The following CARMIL3 variants were observed in gnomAD, a reference collection of about 807,000 sequenced individuals.
CARMIL3 encodes capping protein regulator and myosin 1 linker 3, also known as capping protein, Arp2/3 and myosin-I linker protein 3.
Under a neutral mutation model 180.8 loss-of-function variants are expected in CARMIL3, and 88 were observed. That is an observed-to-expected ratio of 0.49 (90% confidence interval 0.41 to 0.58). The LOEUF (loss-of-function observed/expected upper bound fraction) is 0.58. Among genes scored for constraint, CARMIL3 ranks in the 20% least tolerant of loss-of-function variants. CARMIL3 has a pLI of 0.00. For missense variants in CARMIL3, 1,548 were observed against 1,787.0 expected, an observed-to-expected ratio of 0.87 and a Z score of 2.41; for synonymous variants, 696 against 714.5, an observed-to-expected ratio of 0.97 and a Z score of 0.41.
rs1372134249 is a variant in CARMIL3 at position 24,062,827 on chromosome 14, A to G, written c.2687A>G (p.Asp896Gly). The change falls in exon 29 of 40, where the codon GAT (aspartate) becomes GGT (glycine). Residue 896 changes from aspartate to glycine, a missense_variant. Coordinates refer to ENST00000342740, the MANE Select transcript of CARMIL3 (RefSeq NM_138360.4). ...RNHDHEETTD[D>G]ELGTNIDTMA... ...CATGACCATGAGGAGACCACAGATG[A>G]TGAACTTGGGACCAACATTGTGAGC... 1 of 1,610,646 alleles carries G rather than the reference A, an allele frequency of 6.2e-7. No individual in the cohort carries two copies. The highest frequency in any genetic ancestry group is 8.5e-7 in the Non-Finnish European group (1 of 1,178,546).
Position 24,069,445 on chromosome 14 carries a change from C to T in CARMIL3, c.*41C>T, listed in dbSNP as rs764186881. On this transcript the variant is annotated 3_prime_UTR_variant, in exon 40 of 40. Coordinates refer to ENST00000342740, the MANE Select transcript of CARMIL3 (RefSeq NM_138360.4). ...CCTCCTCAGCCCTCGACATGTGCCT[C>T]GCAAGGACTCAGACCCCTATCCACC... is the stretch of plus-strand genomic sequence containing the variant. 68 of 1,613,722 alleles carry T rather than the reference C, an allele frequency of 4.2e-5. No individual in the cohort carries two copies. The highest frequency in any genetic ancestry group is 5.4e-5 in the Non-Finnish European group (64 of 1,179,850).
At chr14:24,057,367 A>G (rs573874957) in intron 14 of CARMIL3, 123 bp downstream of exon 14, 272 of 853,418 alleles carry the variant, frequency 3.2e-4, no homozygotes, top group Non-Finnish European at 4.6e-4. Flanking sequence ...CTTCAGGTTC[A>G]GCTGAAGTAT....
Position 24,054,932 on chromosome 14 carries a change from C to T in CARMIL3, c.460+124C>T. ...GCCTGCCTGAAGGACTCCCAGCTCC[C>T]AGACCTCAGGAAGTTCATGGCATAG... is the stretch of plus-strand genomic sequence containing the variant. On this transcript the variant is annotated intron_variant, in intron 6 of 39. Coordinates refer to ENST00000342740, the MANE Select transcript of CARMIL3 (RefSeq NM_138360.4). The surrounding 1 kb of genome is among the most constrained non-coding windows in gnomAD (Gnocchi z 5.1). 7.3e-7 allele frequency: 1 copy of T among 1,378,560 alleles called. No homozygotes were observed. Among genetic ancestry groups the T allele is most frequent in the Middle Eastern group, 2.2e-4 (1 of 4,484 alleles). 85.4% of individuals were successfully genotyped at this position (1,378,560 alleles called of 1,614,324 possible).
rs201448069 is a variant in CARMIL3 at position 24,057,157 on chromosome 14, C to A, written c.1063-10C>A. Reference sequence around the variant, plus strand: ...CCTTCCCCTGCAACCCCTCTTCCTTCCTACTCCAGGCCCTCTACAGTTTCC... The same window carrying A: ...CCTTCCCCTGCAACCCCTCTTCCTTACTACTCCAGGCCCTCTACAGTTTCC... On this transcript the variant is annotated splice_polypyrimidine_tract_variant and intron_variant, in intron 13 of 39. Transcript: ENST00000342740. The A allele has an allele frequency of 3.2e-5, 51 of 1,613,594 alleles. No homozygotes were observed. The highest frequency in any genetic ancestry group is 3.3e-4 in the Middle Eastern group (2 of 6,062).
chr14:24,055,666 T>G (rs1342301235), intron 9 of CARMIL3, 35 bp from the exon 10 acceptor site: 1 of 1,613,400 alleles, frequency 6.2e-7, no homozygotes, highest in Non-Finnish European at 8.5e-7. Flanking sequence ...GTGCCCCCCT[T>G]GGCCCCTGAT....
chr14:24,061,066 C>T lies in CARMIL3; in HGVS notation c.2304+26C>T. The T allele has an allele frequency of 1.3e-6, 2 of 1,540,952 alleles. No individual in the cohort carries two copies. Among genetic ancestry groups the T allele is most frequent in the Non-Finnish European group, 1.8e-6 (2 of 1,137,652 alleles). ...GCAAGTCCTGGAGGAGGGAGGAATC[C>T]ATGGTGGGAACCTAGTGTTGACTGA... is the stretch of plus-strand genomic sequence containing the variant. On this transcript the variant is annotated intron_variant, in intron 26 of 39. Coordinates refer to ENST00000342740, the MANE Select transcript of CARMIL3 (RefSeq NM_138360.4). This position sits in a 1 kb window ranked among gnomAD's most constrained non-coding sequence, Gnocchi z 4.1.
rs151148314 is a variant in CARMIL3, at chr14:24,063,153, C to T, written c.2740C>T (p.Arg914Cys). Residue 914 changes from arginine to cysteine, a missense_variant, in exon 30 of 40, where the codon CGC becomes TGC. Around this residue, in one of 4 missense-constraint regions of CARMIL3, gnomAD observed 668 missense variants for 687.8 expected, o/e 0.97. Coordinates refer to ENST00000342740, the MANE Select transcript of CARMIL3 (RefSeq NM_138360.4). The stretch of plus-strand genomic sequence containing the variant: ...GGCCATCAAAAAGCAGAAACGCTGC[C>T]GCAAGATTCGGCCGGTGTCTGCCTT... ...TMAIKKQKRC[R>C]KIRPVSAFIS... is the part of the protein sequence containing the mutation. 3.2e-5 allele frequency: 52 copies of T among 1,613,406 alleles called. No individual in the cohort carries two copies. The highest frequency in any genetic ancestry group is 2.8e-4 in the African/African-American group (21 of 74,934).
chr14:24,055,743 T>C lies in CARMIL3; in HGVS notation c.724T>C (p.Ser242Pro). 1 of 1,614,004 alleles carries C rather than the reference T, an allele frequency of 6.2e-7. No homozygotes were observed. The highest frequency in any genetic ancestry group is 1.3e-5 in the African/African-American group (1 of 74,974). The change falls in exon 10 of 40, where the codon TCG becomes CCG. Residue 242 changes from serine to proline, a missense_variant. Transcript: ENST00000342740. ...ACAGGTGCTACATACCCTAAGCAAG[T>C]CGGGGAGCCTCGAAGAGCTGGTGCT... is the stretch of plus-strand genomic sequence containing the variant. ...LEQVLHTLSK[S>P]GSLEELVLDN... is the part of the protein sequence containing the mutation.
In CARMIL3 at chr14:24,061,606, T is replaced by C; in HGVS notation, c.2414T>C (p.Val805Ala). 1 of 1,614,022 alleles carries C rather than the reference T, an allele frequency of 6.2e-7. No homozygotes were observed. Among genetic ancestry groups the C allele is most frequent in the Non-Finnish European group, 8.5e-7 (1 of 1,180,020 alleles). Residue 805 changes from valine to alanine, a missense_variant, in exon 27 of 40, where the codon GTG (valine) becomes GCG (alanine). By Grantham distance (64) the Val-to-Ala change is moderately conservative (BLOSUM62 0). Coordinates refer to ENST00000342740, the MANE Select transcript of CARMIL3 (RefSeq NM_138360.4). The surrounding 1 kb of genome is among the most constrained non-coding windows in gnomAD (Gnocchi z 4.1). Reference sequence around the variant, plus strand: ...AGCAATGTGGCGGAGCGTGTCACTGTGCCCCGGAACTTCATCCGAGGGGCA... The same window carrying C: ...AGCAATGTGGCGGAGCGTGTCACTGCGCCCCGGAACTTCATCCGAGGGGCA... ...MLSNVAERVT[V>A]PRNFIRGALL...
At position 24,058,802 on chromosome 14, in the gene CARMIL3, CAG is replaced by C. The variant is rs746083234; in HGVS notation, c.1474+42_1474+43del. On this transcript the variant is annotated intron_variant, in intron 18 of 39. Coordinates refer to ENST00000342740, the MANE Select transcript of CARMIL3 (RefSeq NM_138360.4). The surrounding 1 kb of genome is among the most constrained non-coding windows in gnomAD (Gnocchi z 6.4). ...TCCCTTCCCTGGGGCCAGGGGAGAA[CAG>C]GGGCCTGGAGCATGCAGAAGCAGCC... 2 of 1,612,386 alleles carry C rather than the reference CAG, an allele frequency of 1.2e-6. No individual in the cohort carries two copies. Among genetic ancestry groups the C allele is most frequent in the Admixed American group, 3.3e-5 (2 of 59,992 alleles).
chr14:24,058,052 T>C lies in CARMIL3; in HGVS notation c.1310T>C (p.Leu437Pro), dbSNP rs2035691943. The part of the protein sequence containing the change: ...HVNLSATKLP[L>P]EALRALLQGL... The stretch of plus-strand genomic sequence containing the variant: ...AATCTGTCGGCCACAAAGCTGCCCC[T>C]GGAGGCCCTCAGGTCGGGTGGGTGC... Residue 437 changes from leucine (L) to proline (P), a missense_variant, in exon 16 of 40, where the codon CTG becomes CCG. By Grantham distance (98) the Leu-to-Pro change is moderately conservative. This residue lies in a region of CARMIL3 where 578 missense variants were observed against 666.5 expected (regional missense o/e 0.87). Transcript: ENST00000342740. The surrounding 1 kb of genome is among the most constrained non-coding windows in gnomAD (Gnocchi z 6.4). 1 of 1,613,690 alleles carries C rather than the reference T, an allele frequency of 6.2e-7. No homozygotes were observed. Among genetic ancestry groups the C allele is most frequent in the Non-Finnish European group, 8.5e-7 (1 of 1,180,014 alleles).
chr14:24,054,868 C>A lies in CARMIL3; in HGVS notation c.460+60C>A. The A allele has an allele frequency of 3.2e-6, 5 of 1,543,156 alleles. No individual in the cohort carries two copies. Among genetic ancestry groups the A allele is most frequent in the South Asian group, 2.3e-5 (2 of 87,954 alleles). On this transcript the variant is annotated intron_variant, in intron 6 of 39. Coordinates refer to ENST00000342740, the MANE Select transcript of CARMIL3 (RefSeq NM_138360.4). This position sits in a 1 kb window ranked among gnomAD's most constrained non-coding sequence, Gnocchi z 5.1. ...CCACCATCTTGCCCCATGATCAGAG[C>A]CCTTTGTGCACAGGGTGTTGCCTGG...
Position 24,059,775 on chromosome 14 carries a change from C to T in CARMIL3, c.1868+43C>T, listed in dbSNP as rs1389431480. On this transcript the variant is annotated intron_variant, in intron 22 of 39. Coordinates refer to ENST00000342740, the MANE Select transcript of CARMIL3 (RefSeq NM_138360.4). This position sits in a 1 kb window ranked among gnomAD's most constrained non-coding sequence, Gnocchi z 6.3. The stretch of plus-strand genomic sequence containing the variant: ...CTGCCCTGATCCAAGTCCCCAGCCT[C>T]CCTGTGCCTGGATCAGGCCTGAACT... The T allele has an allele frequency of 3.7e-6, 6 of 1,605,108 alleles. No homozygotes were observed. Among genetic ancestry groups the T allele is most frequent in the Non-Finnish European group, 5.1e-6 (6 of 1,172,606 alleles).
In CARMIL3 at chr14:24,054,750, G is replaced by GC; in HGVS notation, c.406dup (p.Arg136ProfsTer8). ...GTGGAAACGCAGACACCCCAGAGGG[G>GC]CCCCGAGATACATCCCCCAACTCTG... is the stretch of plus-strand genomic sequence containing the variant. On this transcript the variant is annotated frameshift_variant, in exon 6 of 40. Coordinates refer to ENST00000342740, the MANE Select transcript of CARMIL3 (RefSeq NM_138360.4). LOFTEE classifies it high-confidence loss of function. This position sits in a 1 kb window ranked among gnomAD's most constrained non-coding sequence, Gnocchi z 5.1. The GC allele has an allele frequency of 6.2e-7, 1 of 1,614,116 alleles. No homozygotes were observed. Among genetic ancestry groups the GC allele is most frequent in the Non-Finnish European group, 8.5e-7 (1 of 1,180,014 alleles).
chr14:24,055,499 A>T (rs1000863100), intron 8 of CARMIL3, 44 bp from the exon 9 acceptor site: 1 of 1,607,044 alleles, frequency 6.2e-7, no homozygotes, highest in Admixed American at 1.7e-5. Context: ...TTCTGACCCA[A>T]CCACCTGCTC....
chr14:24,057,376 A>AT, intron 14 of CARMIL3, 132 bp downstream of exon 14: 1 of 794,202 alleles, frequency 1.3e-6, no homozygotes, highest in Non-Finnish European at 2.1e-6. Flanking sequence ...CAGCTGAAGT[A>AT]TAAAGCAATG....
chr14:24,061,592 G>C lies in CARMIL3; in HGVS notation c.2400G>C (p.Ala800=). 6.2e-7 allele frequency: 1 copy of C among 1,613,990 alleles called. No homozygotes were observed. Among genetic ancestry groups the C allele is most frequent in the South Asian group, 1.1e-5 (1 of 91,076 alleles). The part of the protein sequence containing the change: ...EGHNKMLSNV[A]ERVTVPRNFI... ...ACAACAAGATGCTGAGCAATGTGGC[G>C]GAGCGTGTCACTGTGCCCCGGAACT... Residue 800 remains alanine, a synonymous_variant, in exon 27 of 40, where the codon GCG becomes GCC. Transcript: ENST00000342740. The surrounding 1 kb of genome is among the most constrained non-coding windows in gnomAD (Gnocchi z 4.1).
Position 24,054,586 on chromosome 14 carries a change from C to G in CARMIL3, c.362+75C>G. On this transcript the variant is annotated intron_variant, in intron 5 of 39. Transcript: ENST00000342740. The surrounding 1 kb of genome is among the most constrained non-coding windows in gnomAD (Gnocchi z 5.1). ...TCATCCCTTCCTCCTTCCCCTGGGC[C>G]AGGGCTGAGAAGGAGAGCTCTCATG... 6.5e-7 allele frequency: 1 copy of G among 1,530,062 alleles called. No individual in the cohort carries two copies. The allele number at this position is 1,530,062 out of a possible 1,614,324, so 94.8% of individuals were successfully genotyped here.
In CARMIL3 at chr14:24,065,692, G is replaced by T. The variant is rs746849323; in HGVS notation, c.3467G>T (p.Gly1156Val). 1 of 1,614,124 alleles carries T rather than the reference G, an allele frequency of 6.2e-7. No individual in the cohort carries two copies. Among genetic ancestry groups the T allele is most frequent in the Non-Finnish European group, 8.5e-7 (1 of 1,179,976 alleles). Reference protein sequence around the residue: ...PGTAQQPRVHGVALPGLERAK... With the variant: ...PGTAQQPRVHVVALPGLERAK... The stretch of plus-strand genomic sequence containing the variant: ...ACAGCACAGCAGCCAAGGGTTCACG[G>T]TGTTGCCCTTCCCGGGTTGGAAAGA... Residue 1156 changes from glycine (G) to valine (V), a missense_variant, in exon 34 of 40, where the codon GGT becomes GTT. Around this residue, in one of 4 missense-constraint regions of CARMIL3, gnomAD observed 668 missense variants for 687.8 expected, o/e 0.97. Coordinates refer to ENST00000342740, the MANE Select transcript of CARMIL3 (RefSeq NM_138360.4).
Sources: gnomAD v4.1 joint callset for allele counts on GRCh38, gnomAD v4.1.1 for gene constraint, gnomAD v4.1.1 regional missense constraint, Gnocchi (gnomAD v3.1) non-coding constraint, MANE v1.5 for transcripts, NCBI Gene and HGNC (gene_info 2026-07-23, HGNC 2026-07-21) for gene names.